RHD: variants seen among roughly 807,000 people sequenced by gnomAD.
RHD encodes the protein Rh blood group D antigen.
RHD carries 16 observed loss-of-function variants against 45.5 expected under a neutral mutation model. The ratio of observed to expected loss-of-function variants is 0.35; its 90% CI spans 0.24 to 0.53. The LOEUF is 0.53. RHD is among the 20% of genes least tolerant of loss of function. The pLI is 0.92. For synonymous variants in RHD, 131 were observed against 217.5 expected, an observed-to-expected ratio of 0.60 and a Z score of 3.50; for missense variants, 306 against 532.0, an observed-to-expected ratio of 0.58 and a Z score of 4.18.
chr1:25,321,897 C>T lies in RHD; in HGVS notation c.1162C>T (p.Leu388=). 1 of 1,297,666 alleles carries T rather than the reference C, an allele frequency of 7.7e-7. No individual in the cohort carries two copies. The highest frequency in any genetic ancestry group is 2.3e-5 in the East Asian group (1 of 44,354). 80.4% of individuals were successfully genotyped at this position (1,297,666 alleles called of 1,614,324 possible). A position where few individuals can be genotyped will look rare whatever the true frequency, so the allele number is the denominator to read the frequency against. ...ATTATGCATTTAAACAGGTTTGCTC[C>T]TAAATCTTAAAATATGGAAAGCACC... The part of the protein sequence containing the change: ...LMSGLLTGLL[L]NLKIWKAPHE... The change falls in exon 9 of 10, where the codon CTA becomes TTA. Residue 388 remains leucine (L), a synonymous_variant. Transcript: ENST00000328664.
rs1644328993 is a variant in RHD at position 25,314,477 on chromosome 1, T to A, written c.1074-2523T>A. 2.3e-5 allele frequency among the ~76,000 whole-genome samples: 3 copies of A among 132,432 alleles called. 1 individual carries two copies. The highest frequency in any genetic ancestry group is 5.4e-5 in the Non-Finnish European group (3 of 55,844). 86.9% of individuals were successfully genotyped at this position (132,432 alleles called of 152,430 possible). A position where few individuals can be genotyped will look rare whatever the true frequency, so the allele number is the denominator to read the frequency against. ...ACGTATCCTGGATATGAATCCCACT[T>A]TGTGCGTTACCTTTTTCCTTCTTTC... On this transcript the variant is annotated intron_variant, in intron 7 of 9. Coordinates refer to ENST00000328664, the MANE Select transcript of RHD (RefSeq NM_016124.6).
At position 25,303,330 on chromosome 1, in the gene RHD, G is replaced by A. The variant is rs777670968; in HGVS notation, c.810G>A (p.Val270=). The change falls in exon 6 of 10, where the codon GTG becomes GTA. Residue 270 remains valine, a synonymous_variant. Coordinates refer to ENST00000328664, the MANE Select transcript of RHD (RefSeq NM_016124.6). The stretch of plus-strand genomic sequence containing the variant: ...ACGCTATTTCTTTGCAGACTTATGT[G>A]CACAGTGCGGTGTTGGCAGGAGGCG... ...HPQGKISKTY[V]HSAVLAGGVA... The A allele has an allele frequency of 3.7e-6, 5 of 1,367,960 alleles. 1 individual carries two copies. The East Asian group carries it at 6.7e-5, about 18-fold the overall frequency. 84.7% of individuals were successfully genotyped at this position (1,367,960 alleles called of 1,614,324 possible).
At chr1:25,273,860 T>C (rs1640708625) in intron 1 of RHD, among the ~76,000 whole-genome samples, 1 of 129,248 alleles carries the variant, frequency 7.7e-6, no homozygotes, top group Admixed American at 7.5e-5. Context: ...GCTAGTTAAC[T>C]GGAAGCAAAG....
chr1:25,282,502 T>C (rs1406879964), intron 1 of RHD, among the ~76,000 whole-genome samples: 2 of 132,278 alleles, frequency 1.5e-5, no homozygotes, highest in Non-Finnish European at 3.6e-5. Context: ...TAAATTGGTA[T>C]CTTTATATGT....
In RHD at chr1:25,295,858, T is replaced by C. The variant is rs2904841; in HGVS notation, c.486+5067T>C. 2.4e-5 allele frequency among the ~76,000 whole-genome samples: 2 copies of C among 84,138 alleles called. 1 individual carries two copies. The highest frequency in any genetic ancestry group is 5.4e-5 in the Non-Finnish European group (2 of 36,768). The allele number at this position is 84,138 out of a possible 152,430, so 55.2% of individuals were successfully genotyped here. A position where few individuals can be genotyped will look rare whatever the true frequency, so the allele number is the denominator to read the frequency against. ...GGGAGGGAATATGGGAAATTTTTTT[T>C]TTTTTTTTTTTTTTTTTTTTTGAGA... On this transcript the variant is annotated intron_variant, in intron 3 of 9. Coordinates refer to ENST00000328664, the MANE Select transcript of RHD (RefSeq NM_016124.6).
At chr1:25,283,202 T>C (rs980479197) in intron 1 of RHD, among the ~76,000 whole-genome samples, 8 of 131,652 alleles carry the variant, frequency 6.1e-5, no homozygotes, top group Non-Finnish European at 1.1e-4. Context: ...TGTGGTAGTC[T>C]AAGGCACAGG....
chr1:25,322,076 A>G, intron 9 of RHD, 114 bp downstream of exon 9: 1 of 577,444 alleles, frequency 1.7e-6, no homozygotes, highest in African/African-American at 1.8e-5. Flanking sequence ...AAAATGGAGT[A>G]AGGAGCATTG....
rs1325546280 is a variant in RHD at position 25,286,361 on chromosome 1, C to T, written c.335+1602C>T. Reference sequence around the variant, plus strand: ...AAAATCAGCTAGGCGTGGTGGTGTGCACCCACAGTCCCAGCTACTTGGGAG... The same window carrying T: ...AAAATCAGCTAGGCGTGGTGGTGTGTACCCACAGTCCCAGCTACTTGGGAG... On this transcript the variant is annotated intron_variant, in intron 2 of 9. Transcript: ENST00000328664. Among the ~76,000 whole-genome samples, 13 of 134,920 alleles carry T rather than the reference C, an allele frequency of 9.6e-5. 3 individuals carry two copies. The highest frequency in any genetic ancestry group is 1.8e-4 in the Non-Finnish European group (10 of 57,008). The allele number at this position is 134,920 out of a possible 152,430, so 88.5% of individuals were successfully genotyped here. A position where few individuals can be genotyped will look rare whatever the true frequency, so the allele number is the denominator to read the frequency against.
rs1644392176 is a variant in RHD, at chr1:25,315,508, T to G, written c.1074-1492T>G. ...TTTTTCTTTTCTTTCTTTCTTTTTT[T>G]TTTTTTGAGATGGAGTCTCGCTGTG... On this transcript the variant is annotated intron_variant, in intron 7 of 9. Coordinates refer to ENST00000328664, the MANE Select transcript of RHD (RefSeq NM_016124.6). Among the ~76,000 whole-genome samples the G allele has an allele frequency of 1.6e-5, 2 of 124,050 alleles. 1 individual carries two copies. Among genetic ancestry groups the G allele is most frequent in the Admixed American group, 1.6e-4 (2 of 12,826 alleles). 81.4% of individuals were successfully genotyped at this position (124,050 alleles called of 152,430 possible).
In RHD at chr1:25,277,121, T is replaced by C. The variant is rs1314433302; in HGVS notation, c.148+4426T>C. Among the ~76,000 whole-genome samples the C allele has an allele frequency of 1.6e-4, 21 of 132,462 alleles. 1 individual carries two copies. The South Asian group carries it at 4.1e-3, about 26-fold the overall frequency. 86.9% of individuals were successfully genotyped at this position (132,462 alleles called of 152,430 possible). ...CATAAAACCCTGCCATTAGTTGCAA[T>C]ATGAAGAATATAGAGAAATGCATAT... On this transcript the variant is annotated intron_variant, in intron 1 of 9. Transcript: ENST00000328664.
chr1:25,284,717 T>C lies in RHD; in HGVS notation c.293T>C (p.Leu98Pro). Reference sequence around the variant, plus strand: ...TGGGCAATCCTGCTGGACGGCTTCCTGAGCCAGTTCCCTTCTGGGAAGGTG... The same window carrying C: ...TGGGCAATCCTGCTGGACGGCTTCCCGAGCCAGTTCCCTTCTGGGAAGGTG... Reference protein sequence around the residue: ...VQWAILLDGFLSQFPSGKVVI... With the variant: ...VQWAILLDGFPSQFPSGKVVI... Residue 98 changes from leucine to proline, a missense_variant, in exon 2 of 10, where the codon CTG (leucine) becomes CCG (proline). Coordinates refer to ENST00000328664, the MANE Select transcript of RHD (RefSeq NM_016124.6). 7.2e-7 allele frequency: 1 copy of C among 1,388,930 alleles called. No homozygotes were observed. The highest frequency in any genetic ancestry group is 1.2e-5 in the South Asian group (1 of 85,468). 86.0% of individuals were successfully genotyped at this position (1,388,930 alleles called of 1,614,324 possible). A position where few individuals can be genotyped will look rare whatever the true frequency, so the allele number is the denominator to read the frequency against.
At position 25,301,533 on chromosome 1, in the gene RHD, G is replaced by C. The variant is rs200820520; in HGVS notation, c.648G>C (p.Leu216Phe). 4.4e-4 allele frequency: 612 copies of C among 1,378,592 alleles called. 130 individuals carry two copies. In the South Asian group the frequency reaches 6.7e-3, roughly 15 times the overall value. The allele number at this position is 1,378,592 out of a possible 1,614,324, so 85.4% of individuals were successfully genotyped here. A position where few individuals can be genotyped will look rare whatever the true frequency, so the allele number is the denominator to read the frequency against. ...TCTGGCCCCCAGGCGCCCTCTTCTT[G>C]TGGATGTTCTGGCCAAGTTTCAACT... Reference protein sequence around the residue: ...SLSAMLGALFLWMFWPSFNSA... With the variant: ...SLSAMLGALFFWMFWPSFNSA... The change falls in exon 5 of 10, where the codon TTG becomes TTC. Residue 216 changes from leucine to phenylalanine, a missense_variant. By Grantham distance (22) the Leu-to-Phe change is conservative. Transcript: ENST00000328664.
Position 25,294,066 on chromosome 1 carries a change from G to T in RHD, c.486+3275G>T, listed in dbSNP as rs147538809. Reference sequence around the variant, plus strand: ...AGAGAAGAAGGCTGTCCACCAATGGGCTTATCTGTTATTTCTTCCTTATTG... The same window carrying T: ...AGAGAAGAAGGCTGTCCACCAATGGTCTTATCTGTTATTTCTTCCTTATTG... On this transcript the variant is annotated intron_variant, in intron 3 of 9. Transcript: ENST00000328664. 29 of 686,280 alleles carry T rather than the reference G, an allele frequency of 4.2e-5. 8 individuals carry two copies. Among genetic ancestry groups the T allele is most frequent in the Non-Finnish European group, 7.2e-5 (27 of 372,984 alleles). 42.5% of individuals were successfully genotyped at this position (686,280 alleles called of 1,614,324 possible).
At chr1:25,309,794 G>A (rs1644043593) in intron 7 of RHD, among the ~76,000 whole-genome samples, 1 of 132,158 alleles carries the variant, frequency 7.6e-6, no homozygotes, top group African/African-American at 2.6e-5. Flanking sequence ...CACTCACAGG[G>A]CTGCTGTGAG....
At chr1:25,310,372 CTCACTGTGTGATGACT>C (rs1211166681) in intron 7 of RHD, among the ~76,000 whole-genome samples, 8 of 133,126 alleles carry the variant, frequency 6.0e-5, no homozygotes, top group African/African-American at 2.0e-4. Flanking sequence ...CTCTTGCCCT[CTCACTGTGTGATGACT>C]TCTCCATGTC....
At chr1:25,279,170 A>G (rs2124602807) in intron 1 of RHD, among the ~76,000 whole-genome samples, 1 of 124,996 alleles carries the variant, frequency 8.0e-6, no homozygotes, top group East Asian at 2.0e-4. Context: ...GTCTCTTTGC[A>G]ACAGGCCTGG....
At position 25,306,159 on chromosome 1, in the gene RHD, G is replaced by C. The variant is rs1476498744; in HGVS notation, c.940-437G>C. ...CCCAGGGGACATCTTACAATGTCTG[G>C]AGGCGTTCTTGGTTGACACAGTGGG... is the stretch of plus-strand genomic sequence containing the variant. On this transcript the variant is annotated intron_variant, in intron 6 of 9. Transcript: ENST00000328664. 3.0e-5 allele frequency among the ~76,000 whole-genome samples: 4 copies of C among 131,814 alleles called. 1 individual carries two copies. Among genetic ancestry groups the C allele is most frequent in the Non-Finnish European group, 7.2e-5 (4 of 55,834 alleles). 86.5% of individuals were successfully genotyped at this position (131,814 alleles called of 152,430 possible).
Position 25,288,116 on chromosome 1 carries a change from C to T in RHD, c.336-2525C>T, listed in dbSNP as rs201945944. Among the ~76,000 whole-genome samples the T allele has an allele frequency of 3.0e-5, 4 of 132,730 alleles. No homozygotes were observed. The East Asian group carries it at 7.8e-4, about 26-fold the overall frequency. 87.1% of individuals were successfully genotyped at this position (132,730 alleles called of 152,430 possible). A position where few individuals can be genotyped will look rare whatever the true frequency, so the allele number is the denominator to read the frequency against. ...CACTCAGCCTCAACCTCACTGGGTTCAGGTGATCCTCCTGCCTCAGCCTCC... is the reference window on the plus strand; with the variant it reads ...CACTCAGCCTCAACCTCACTGGGTTTAGGTGATCCTCCTGCCTCAGCCTCC... On this transcript the variant is annotated intron_variant, in intron 2 of 9. Transcript: ENST00000328664.
chr1:25,313,436 T>C (rs2124060599), intron 7 of RHD, among the ~76,000 whole-genome samples: 1 of 133,100 alleles, frequency 7.5e-6, no homozygotes, highest in Middle Eastern at 4.1e-3. Flanking sequence ...GTATGCTTCT[T>C]TTACTCAACA....
Sources: gnomAD v4.1 joint callset for allele counts (sites outside exome capture counted in the v4.1 genomes callset) on GRCh38, gnomAD v4.1.1 for gene constraint, MANE v1.5 for transcripts, NCBI Gene and HGNC (gene_info 2026-07-23, HGNC 2026-07-21) for gene names.